The following TADA2A variants were observed in gnomAD, a reference collection of about 807,000 sequenced individuals.
TADA2A encodes transcriptional adapter 2-alpha.
TADA2A carries 38 observed loss-of-function variants against 67.4 expected under a neutral mutation model. The observed-to-expected ratio is 0.56, with a 90% CI of 0.44 to 0.74. The LOEUF (loss-of-function observed/expected upper bound fraction) is 0.74. Among genes scored for constraint, TADA2A ranks in the 30% least tolerant of loss-of-function variants. The probability of loss-of-function intolerance (pLI) is 0.00; values close to 1 mark genes in which losing one functional copy is unlikely to be tolerated. For synonymous variants in TADA2A, 192 were observed against 181.6 expected (o/e 1.06, Z -0.46); for missense variants, 454 against 547.0 (o/e 0.83, Z 1.70).
chr17:37,446,909 G>A (rs1463074142), intron 8 of TADA2A, among the ~76,000 whole-genome samples: 1 of 152,032 alleles, frequency 6.6e-6, no homozygotes, highest in Non-Finnish European at 1.5e-5. Context: ...TAATTAAGTG[G>A]GGATAAAAAG....
At chr17:37,460,771 A>G (rs1278439710) in intron 9 of TADA2A, among the ~76,000 whole-genome samples, 2 of 152,102 alleles carry the variant, frequency 1.3e-5, no homozygotes, top group Admixed American at 6.6e-5. Flanking sequence ...ATGTGTGTGT[A>G]TGTATGTGTA....
chr17:37,437,491 A>G (rs2052766614), intron 4 of TADA2A, among the ~76,000 whole-genome samples: 1 of 151,610 alleles, frequency 6.6e-6, no homozygotes, highest in Admixed American at 6.6e-5. Context: ...AGTTCAAGTG[A>G]TTCTCCTGCC....
intron 8 of TADA2A, 53 bp from the exon 9 acceptor site, chr17:37,458,470 TA>T (rs1384889659): frequency 4.4e-6 from 5 of 1,125,910 alleles, no homozygotes; most frequent in Non-Finnish European, 5.7e-6. Flanking sequence ...TTTATTTATT[TA>T]TATAATATAT....
intron 2 of TADA2A, among the ~76,000 whole-genome samples, chr17:37,421,918 G>C (rs1225905036): frequency 6.9e-6 from 1 of 145,476 alleles, no homozygotes; most frequent in African/African-American, 2.5e-5. Context: ...TCTCTCTGTT[G>C]CCCAGACTGG....
intron 4 of TADA2A, among the ~76,000 whole-genome samples, chr17:37,430,771 G>T (rs931038855): frequency 6.6e-5 from 10 of 152,120 alleles, no homozygotes. Context: ...GATGTAGAAA[G>T]TTTTTATTGT....
rs569414617 is a variant in TADA2A, at chr17:37,478,626, T to C, written c.*1644T>C. The C allele has an allele frequency of 4.6e-5, 7 of 152,230 alleles. No homozygotes were observed. The East Asian group carries it at 9.6e-4, about 21-fold the overall frequency. 9.4% of individuals were successfully genotyped at this position (152,230 alleles called of 1,614,324 possible). On this transcript the variant is annotated 3_prime_UTR_variant, in exon 16 of 16. Coordinates refer to ENST00000615182, the MANE Select transcript of TADA2A (RefSeq NM_001166105.3). The stretch of plus-strand genomic sequence containing the variant: ...TCTGCAGAATAAGAAGCCAAACTTA[T>C]GGTTATCTTGTTTCTGTTAGAAACA...
intron 4 of TADA2A, among the ~76,000 whole-genome samples, chr17:37,430,558 A>T (rs1472719261): frequency 6.6e-6 from 1 of 152,222 alleles, no homozygotes; most frequent in Admixed American, 6.5e-5. Flanking sequence ...AAGTCAAGGC[A>T]GCTCTTTCTG....
At chr17:37,410,286 C>T (rs537000460) in intron 1 of TADA2A, among the ~76,000 whole-genome samples, 1 of 151,876 alleles carries the variant, frequency 6.6e-6, no homozygotes, top group East Asian at 1.9e-4. Context: ...AAGCGTTCCA[C>T]CTCATCCTCC....
chr17:37,456,249 C>T (rs1372654658), intron 8 of TADA2A, among the ~76,000 whole-genome samples: 1 of 152,184 alleles, frequency 6.6e-6, no homozygotes, highest in African/African-American at 2.4e-5. Context: ...AATAAATAGT[C>T]TTGTGTAACA....
intron 3 of TADA2A, among the ~76,000 whole-genome samples, chr17:37,424,645 C>T (rs1328262639): frequency 1.3e-5 from 2 of 152,114 alleles, no homozygotes; most frequent in Non-Finnish European, 2.9e-5. Flanking sequence ...CAACCTCTGC[C>T]TCCCGGGTTC....
chr17:37,425,200 TAA>T (rs1462154435), intron 3 of TADA2A, among the ~76,000 whole-genome samples: 1 of 152,210 alleles, frequency 6.6e-6, no homozygotes, highest in African/African-American at 2.4e-5. Flanking sequence ...TTTTTTAAGT[TAA>T]TTTAAAGTAT....
chr17:37,462,682 A>G (rs368404647), intron 10 of TADA2A, among the ~76,000 whole-genome samples: 97 of 152,272 alleles, frequency 6.4e-4, no homozygotes, highest in African/African-American at 2.2e-3. Flanking sequence ...ATTTGTAGTC[A>G]ATAAAACTTG....
intron 11 of TADA2A, among the ~76,000 whole-genome samples, chr17:37,467,202 A>G (rs998266628): frequency 3.3e-5 from 5 of 152,174 alleles, no homozygotes; most frequent in South Asian, 2.1e-4. Context: ...GAATTTAACC[A>G]TTTCACTAAG....
intron 2 of TADA2A, among the ~76,000 whole-genome samples, chr17:37,416,467 C>A (rs1349729199): frequency 6.6e-6 from 1 of 151,944 alleles, no homozygotes; most frequent in Non-Finnish European, 1.5e-5. Flanking sequence ...AGTATACTTG[C>A]TTTTTTACTT....
intron 5 of TADA2A, among the ~76,000 whole-genome samples, chr17:37,439,018 C>CT (rs2052816683): frequency 6.6e-6 from 1 of 152,064 alleles, no homozygotes; most frequent in African/African-American, 2.4e-5. Context: ...ACAGTGATGC[C>CT]TTAGGGGAGG....
chr17:37,434,174 TAC>T (rs1336260105), intron 4 of TADA2A, among the ~76,000 whole-genome samples: 1 of 152,068 alleles, frequency 6.6e-6, no homozygotes, highest in Non-Finnish European at 1.5e-5. Flanking sequence ...GTGTATTTTG[TAC>T]AGTGTCTCTC....
intron 2 of TADA2A, among the ~76,000 whole-genome samples, chr17:37,414,290 T>C (rs1231950248): frequency 1.3e-5 from 2 of 152,186 alleles, no homozygotes; most frequent in Non-Finnish European, 2.9e-5. Flanking sequence ...GTTCATGGAT[T>C]ATTCCAAATT....
At chr17:37,410,589 A>C (rs1597835934) in intron 1 of TADA2A, among the ~76,000 whole-genome samples, 2 of 152,308 alleles carry the variant, frequency 1.3e-5, no homozygotes, top group East Asian at 3.9e-4. Context: ...TGAGTTTATT[A>C]AAGTTTATTA....
intron 8 of TADA2A, among the ~76,000 whole-genome samples, chr17:37,450,355 A>G (rs547010147): frequency 1.3e-5 from 2 of 152,296 alleles, no homozygotes; most frequent in East Asian, 1.9e-4. Context: ...GTTTGGTCGC[A>G]GTAGGGATTT....
Sources: allele counts gnomAD v4.1 joint callset (sites outside exome capture counted in the v4.1 genomes callset), GRCh38; gene constraint gnomAD v4.1.1; transcripts MANE v1.5; gene names NCBI Gene and HGNC (gene_info 2026-07-23, HGNC 2026-07-21).